Variants in ICE1 observed in about 807,000 individuals in gnomAD.
ICE1 encodes the protein interactor of little elongation complex ELL subunit 1, also known as little elongation complex subunit 1.
In ICE1, 64 loss-of-function variants were observed where a neutral mutation model predicts 192.7. That is an observed-to-expected ratio of 0.33 (90% confidence interval 0.27 to 0.41). The LOEUF (loss-of-function observed/expected upper bound fraction) is 0.41. Ranked by LOEUF, ICE1 falls within the 10% of genes least tolerant of loss-of-function variation. The pLI, the probability that ICE1 is intolerant of heterozygous loss-of-function variation, is 1.00. For missense variants in ICE1, 2,708 were observed against 2,696.0 expected (o/e 1.00, Z -0.10); for synonymous variants, 1,010 against 984.5 (o/e 1.03, Z -0.49).
At chr5:5,424,347 C>T (rs1270034288) in intron 1 of ICE1, among the ~76,000 whole-genome samples, 1 of 152,088 alleles carries the variant, frequency 6.6e-6, no homozygotes, top group Admixed American at 6.5e-5. Context: ...CTTCACTGAG[C>T]TGCATTGTGT....
chr5:5,458,050 T>G (rs1316345999), intron 12 of ICE1, among the ~76,000 whole-genome samples: 1 of 152,234 alleles, frequency 6.6e-6, no homozygotes. Flanking sequence ...ATGACTGAAT[T>G]AAACACATAT....
intron 7 of ICE1, 68 bp downstream of exon 7, chr5:5,444,394 G>C: frequency 9.4e-7 from 1 of 1,066,946 alleles, no homozygotes; most frequent in Non-Finnish European, 1.4e-6. Flanking sequence ...GTATGAGGAG[G>C]TACTTCTTGA....
In ICE1 at chr5:5,460,879, C is replaced by T. The variant is rs1738751444; in HGVS notation, c.1545C>T (p.Ala515=). 6.2e-7 allele frequency: 1 copy of T among 1,613,878 alleles called. No individual in the cohort carries two copies. Among genetic ancestry groups the T allele is most frequent in the South Asian group, 1.1e-5 (1 of 91,092 alleles). ...GTCTATGCATTGAGAGATTGTCTGC[C>T]AGCCCTGCACAAGAGAAGGAAGCTG... is the stretch of plus-strand genomic sequence containing the variant. ...TRGLCIERLS[A]SPAQEKEAAP... is the part of the protein sequence containing the mutation. Residue 515 remains alanine, a synonymous_variant, in exon 13 of 19, where the codon GCC becomes GCT. Coordinates refer to ENST00000296564, the MANE Select transcript of ICE1 (RefSeq NM_015325.3).
chr5:5,476,138 G>T, intron 17 of ICE1, 59 bp downstream of exon 17: 1 of 812,864 alleles, frequency 1.2e-6, no homozygotes, highest in Non-Finnish European at 1.7e-6. Flanking sequence ...GTGGAAGGCT[G>T]GGGGGTTAAC....
intron 17 of ICE1, among the ~76,000 whole-genome samples, chr5:5,484,237 A>G (rs1739578345): frequency 6.6e-6 from 1 of 151,986 alleles, no homozygotes; most frequent in South Asian, 2.1e-4. Context: ...ATTTCCTCTT[A>G]TTTTACTCCT....
Position 5,462,258 on chromosome 5 carries a change from C to G in ICE1, c.2924C>G (p.Ala975Gly), listed in dbSNP as rs755130481. 6.2e-7 allele frequency: 1 copy of G among 1,612,614 alleles called. No individual in the cohort carries two copies. Among genetic ancestry groups the G allele is most frequent in the South Asian group, 1.1e-5 (1 of 90,938 alleles). Residue 975 changes from alanine (A) to glycine (G), a missense_variant, in exon 13 of 19, where the codon GCT becomes GGT. By Grantham distance (60) the Ala-to-Gly change is moderately conservative. Around this residue, in one of 2 missense-constraint regions of ICE1, gnomAD observed 2,366 missense variants for 2,276.6 expected, o/e 1.04. Coordinates refer to ENST00000296564, the MANE Select transcript of ICE1 (RefSeq NM_015325.3). ...CAAAACCAAGACATTGTGAGAGAAGCTGCAGTGCAGGGAGATGGGCAGAAG... is the reference window on the plus strand; with the variant it reads ...CAAAACCAAGACATTGTGAGAGAAGGTGCAGTGCAGGGAGATGGGCAGAAG... ...LIQNQDIVREAAVQGDGQKQR... is the reference protein window; with the variant it reads ...LIQNQDIVREGAVQGDGQKQR...
intron 14 of ICE1, 49 bp downstream of exon 14, chr5:5,466,551 T>C (rs1175442495): frequency 6.8e-7 from 1 of 1,476,506 alleles, no homozygotes; most frequent in Admixed American, 2.0e-5. Context: ...CGATTGCCTT[T>C]TTCCCTTATA....
chr5:5,480,336 G>A (rs1418090657), intron 17 of ICE1, among the ~76,000 whole-genome samples: 2 of 145,690 alleles, frequency 1.4e-5, no homozygotes, highest in Admixed American at 1.5e-4. Context: ...TGCAAGCTCC[G>A]CCTCCCGGGT....
At position 5,489,447 on chromosome 5, in the gene ICE1, A is replaced by G; in HGVS notation, c.*117A>G. 1.1e-6 allele frequency: 1 copy of G among 881,228 alleles called. No individual in the cohort carries two copies. Among genetic ancestry groups the G allele is most frequent in the Non-Finnish European group, 1.7e-6 (1 of 597,162 alleles). 54.6% of individuals were successfully genotyped at this position (881,228 alleles called of 1,614,324 possible). On this transcript the variant is annotated 3_prime_UTR_variant, in exon 19 of 19. Transcript: ENST00000296564. Reference sequence around the variant, plus strand: ...AACAAAAAGACATAAAATAGATAAAACAGACCAGAGGCTCTCCTTATTGTT... The same window carrying G: ...AACAAAAAGACATAAAATAGATAAAGCAGACCAGAGGCTCTCCTTATTGTT...
In ICE1 at chr5:5,436,449, C is replaced by A. The variant is rs202162067; in HGVS notation, c.116C>A (p.Thr39Asn). ...AATGAATATGTTGAAGCATTAATTACCTTGAAACAAAAAATTATCAATACA... is the reference window on the plus strand; with the variant it reads ...AATGAATATGTTGAAGCATTAATTAACTTGAAACAAAAAATTATCAATACA... ...NLNEYVEALI[T>N]LKQKIINTDN... The change falls in exon 2 of 19, where the codon ACC becomes AAC. Residue 39 changes from threonine to asparagine, a missense_variant. By Grantham distance (65) the Thr-to-Asn change is moderately conservative. This residue lies in a region of ICE1 where 2,366 missense variants were observed against 2,276.6 expected (regional missense o/e 1.04). Transcript: ENST00000296564. 3 of 1,474,128 alleles carry A rather than the reference C, an allele frequency of 2.0e-6. No homozygotes were observed. The highest frequency in any genetic ancestry group is 2.7e-6 in the Non-Finnish European group (3 of 1,110,322). 91.3% of individuals were successfully genotyped at this position (1,474,128 alleles called of 1,614,324 possible).
Position 5,442,290 on chromosome 5 carries a change from T to C in ICE1, c.310-878T>C, listed in dbSNP as rs149460541. ...TCTCTCTAGGCGCTTCTCACGGTAGTGTTTGTGCCTCTCAGTCTTCCTCAA... is the reference window on the plus strand; with the variant it reads ...TCTCTCTAGGCGCTTCTCACGGTAGCGTTTGTGCCTCTCAGTCTTCCTCAA... On this transcript the variant is annotated intron_variant, in intron 5 of 18. Coordinates refer to ENST00000296564, the MANE Select transcript of ICE1 (RefSeq NM_015325.3). Among the ~76,000 whole-genome samples, 24 of 152,346 alleles carry C rather than the reference T, an allele frequency of 1.6e-4. No homozygotes were observed. In the East Asian group the frequency reaches 4.4e-3, roughly 28 times the overall value.
chr5:5,464,021 C>T lies in ICE1; in HGVS notation c.4687C>T (p.Gln1563Ter). The T allele has an allele frequency of 1.9e-6, 3 of 1,613,602 alleles. No individual in the cohort carries two copies. The highest frequency in any genetic ancestry group is 2.5e-6 in the Non-Finnish European group (3 of 1,179,806). Residue 1563 changes from glutamine (Q) to a stop codon, truncating the protein, a stop_gained, in exon 13 of 19, where the codon CAG (glutamine) becomes TAG (stop). Coordinates refer to ENST00000296564, the MANE Select transcript of ICE1 (RefSeq NM_015325.3). LOFTEE classifies it high-confidence loss of function. This position sits in a 1 kb window ranked among gnomAD's most constrained non-coding sequence, Gnocchi z 4.0. Reference protein sequence around the residue: ...KNRSKISNKDQSNKPVKTSAS... With the variant: ...KNRSKISNKD ...TCGATCAAAGATTTCAAACAAAGAT[C>T]AGTCAAACAAACCAGTAAAAACTTC...
intron 15 of ICE1, among the ~76,000 whole-genome samples, chr5:5,473,338 C>T (rs1022093992): frequency 1.3e-5 from 2 of 152,208 alleles, no homozygotes; most frequent in African/African-American, 4.8e-5. Context: ...TTGGATCCTG[C>T]ATCCTGCCTA....
rs1247596267 is a variant in ICE1 at position 5,463,326 on chromosome 5, C to G, written c.3992C>G (p.Ser1331Cys). Reference protein sequence around the residue: ...QAAALDTEGSSPISGMPQNEN... With the variant: ...QAAALDTEGSCPISGMPQNEN... ...GCTGCCTTGGACACTGAGGGCAGCT[C>G]TCCCATCAGCGGTATGCCTCAGAAT... is the stretch of plus-strand genomic sequence containing the variant. Residue 1331 changes from serine to cysteine, a missense_variant, in exon 13 of 19, where the codon TCT (serine) becomes TGT (cysteine). By Grantham distance (112) the Ser-to-Cys change is moderately radical (BLOSUM62 -1). Transcript: ENST00000296564. The G allele has an allele frequency of 2.5e-6, 4 of 1,613,526 alleles. No individual in the cohort carries two copies. Among genetic ancestry groups the G allele is most frequent in the Non-Finnish European group, 3.4e-6 (4 of 1,179,794 alleles).
At chr5:5,429,561 T>C (rs924104752) in intron 1 of ICE1, among the ~76,000 whole-genome samples, 1 of 152,370 alleles carries the variant, frequency 6.6e-6, no homozygotes, top group East Asian at 1.9e-4. Flanking sequence ...AGAAACTGTC[T>C]TCTCTTACAT....
chr5:5,480,327 G>T (rs1739469839), intron 17 of ICE1, among the ~76,000 whole-genome samples: 1 of 144,874 alleles, frequency 6.9e-6, no homozygotes, highest in African/African-American at 2.6e-5. Flanking sequence ...TCGGCTCACT[G>T]CAAGCTCCGC....
chr5:5,436,554 C>A, intron 2 of ICE1, 78 bp downstream of exon 2: 1 of 764,426 alleles, frequency 1.3e-6, no homozygotes, highest in Non-Finnish European at 2.0e-6. Context: ...CTTTTAGGCC[C>A]CCAGGGCTGG....
chr5:5,471,418 T>G (rs540258198), intron 15 of ICE1, among the ~76,000 whole-genome samples: 25 of 152,276 alleles, frequency 1.6e-4, no homozygotes, highest in Non-Finnish European at 2.4e-4. Flanking sequence ...AACTATAATC[T>G]ATTTTAAGCA....
rs1275486422 is a variant in ICE1, at chr5:5,460,320, A to G, written c.1102-116A>G. The G allele has an allele frequency of 4.2e-5, 32 of 758,044 alleles. No individual in the cohort carries two copies. In the East Asian group the frequency reaches 5.9e-4, roughly 14 times the overall value. The allele number at this position is 758,044 out of a possible 1,614,324, so 47.0% of individuals were successfully genotyped here. A position where few individuals can be genotyped will look rare whatever the true frequency, so the allele number is the denominator to read the frequency against. ...AGATTCCTAGCCTGCCCCTGCTCAA[A>G]CGTGATTGTAAAGATTCTTCAGGAA... On this transcript the variant is annotated intron_variant, in intron 12 of 18. Transcript: ENST00000296564.
Sources: allele counts gnomAD v4.1 joint callset (sites outside exome capture counted in the v4.1 genomes callset), GRCh38; gene constraint gnomAD v4.1.1; regional missense constraint gnomAD v4.1.1; non-coding constraint Gnocchi (gnomAD v3.1); transcripts MANE v1.5; gene names NCBI Gene and HGNC (gene_info 2026-07-23, HGNC 2026-07-21).